Variants in CDH7 observed in about 807,000 individuals in gnomAD.
CDH7 encodes the protein cadherin-7.
CDH7 carries 25 observed loss-of-function variants against 71.8 expected under a neutral mutation model. The observed-to-expected ratio is 0.35, with a 90% confidence interval of 0.25 to 0.49. The LOEUF (loss-of-function observed/expected upper bound fraction) is 0.49, where lower values mean the gene tolerates loss of function less well. Among genes scored for constraint, CDH7 ranks in the 20% least tolerant of loss-of-function variants. The pLI, the probability that CDH7 is intolerant of heterozygous loss-of-function variation, is 0.99. For synonymous variants in CDH7, 381 were observed against 363.8 expected, an observed-to-expected ratio of 1.05 and a Z score of -0.54; for missense variants, 862 against 974.6, an observed-to-expected ratio of 0.88 and a Z score of 1.54.
intron 4 of CDH7, among the ~76,000 whole-genome samples, chr18:65,818,131 G>T (rs1169210564): frequency 3.9e-5 from 6 of 151,988 alleles, no homozygotes; most frequent in Admixed American, 3.3e-4. Flanking sequence ...ATATAATGCG[G>T]TATATTTATT....
Position 65,762,774 on chromosome 18 carries a change from A to C in CDH7, c.-69A>C, listed in dbSNP as rs1444664443. 15 of 1,373,222 alleles carry C rather than the reference A, an allele frequency of 1.1e-5. No homozygotes were observed. Among genetic ancestry groups the C allele is most frequent in the Non-Finnish European group, 1.5e-5 (15 of 999,502 alleles). The allele number at this position is 1,373,222 out of a possible 1,614,324, so 85.1% of individuals were successfully genotyped here. A position where few individuals can be genotyped will look rare whatever the true frequency, so the allele number is the denominator to read the frequency against. ...TGCCGGAGGCAAGAGCTACTAAGCC[A>C]ACTGGAACTGTGCCTTTTCTCTTGT... On this transcript the variant is annotated 5_prime_UTR_variant, in exon 2 of 12. Transcript: ENST00000397968.
rs755076428 is a variant in CDH7 at position 65,880,484 on chromosome 18, A to T, written c.1948A>T (p.Ile650Phe). The change falls in exon 12 of 12, where the codon ATT becomes TTT. Residue 650 changes from isoleucine (I) to phenylalanine (F), a missense_variant. Coordinates refer to ENST00000397968, the MANE Select transcript of CDH7 (RefSeq NM_004361.5). ...CGAAGAAAGAGACATCAGAGAAAAT[A>T]TTGTGAGATACGATGACGAGGGCGG... ...FDEERDIREN[I>F]VRYDDEGGGE... 2.1e-5 allele frequency: 33 copies of T among 1,600,782 alleles called. No individual in the cohort carries two copies. Among genetic ancestry groups the T allele is most frequent in the Non-Finnish European group, 2.8e-5 (33 of 1,176,444 alleles).
chr18:65,853,924 T>TATATATATAC (rs1913244760), intron 7 of CDH7, among the ~76,000 whole-genome samples: 1 of 84,718 alleles, frequency 1.2e-5, no homozygotes, highest in African/African-American at 4.6e-5. Context: ...TATATATATA[T>TATATATATAC]ATATATATAT....
At chr18:65,792,548 C>G (rs1306647746) in intron 2 of CDH7, among the ~76,000 whole-genome samples, 1 of 151,582 alleles carries the variant, frequency 6.6e-6, no homozygotes, top group African/African-American at 2.4e-5. Flanking sequence ...TATCTTCCTT[C>G]TAAGGTAATA....
chr18:65,862,106 T>C (rs932507767), intron 10 of CDH7, among the ~76,000 whole-genome samples: 2 of 152,060 alleles, frequency 1.3e-5, no homozygotes, highest in Non-Finnish European at 2.9e-5. Context: ...TTTATACACA[T>C]AGAGTAGCTA....
intron 6 of CDH7, among the ~76,000 whole-genome samples, chr18:65,832,302 T>C (rs56320271): frequency 4.4e-4 from 67 of 152,220 alleles, no homozygotes; most frequent in Non-Finnish European, 7.1e-4. Context: ...ATACTTGGCA[T>C]AGAATTCTTT....
In CDH7 at chr18:65,822,038, C is replaced by G. The variant is rs1054535050; in HGVS notation, c.626-43C>G. ...TCAGTATTCTTTGTTAGTATAAATG[C>G]AGTGATTCATGATGAGTTTTACTGG... On this transcript the variant is annotated intron_variant, in intron 4 of 11. Transcript: ENST00000397968. The G allele has an allele frequency of 2.1e-6, 3 of 1,460,548 alleles. No homozygotes were observed. In the African/African-American group the frequency reaches 4.2e-5, roughly 20 times the overall value. The allele number at this position is 1,460,548 out of a possible 1,614,324, so 90.5% of individuals were successfully genotyped here. A position where few individuals can be genotyped will look rare whatever the true frequency, so the allele number is the denominator to read the frequency against.
chr18:65,799,338 G>T (rs930003488), intron 2 of CDH7, among the ~76,000 whole-genome samples: 1 of 152,054 alleles, frequency 6.6e-6, no homozygotes, highest in Admixed American at 6.5e-5. Flanking sequence ...CTGTAGGAAA[G>T]AGAAGCATAC....
intron 1 of CDH7, among the ~76,000 whole-genome samples, chr18:65,762,212 C>T (rs1349238234): frequency 1.3e-5 from 2 of 152,154 alleles, no homozygotes; most frequent in Non-Finnish European, 2.9e-5. Flanking sequence ...ATGTGTCCTT[C>T]CCATTTGGTT....
rs527980287 is a variant in CDH7 at position 65,849,967 on chromosome 18, C to T, written c.1235+5902C>T. ...TCATTTTAGGCCAGGAATTCGAGACCAGCCTGGCCCATGTGGTGAAGCCCT... is the reference window on the plus strand; with the variant it reads ...TCATTTTAGGCCAGGAATTCGAGACTAGCCTGGCCCATGTGGTGAAGCCCT... On this transcript the variant is annotated intron_variant, in intron 7 of 11. Coordinates refer to ENST00000397968, the MANE Select transcript of CDH7 (RefSeq NM_004361.5). 4.0e-5 allele frequency among the ~76,000 whole-genome samples: 6 copies of T among 151,596 alleles called. No homozygotes were observed. In the South Asian group the frequency reaches 1.3e-3, roughly 32 times the overall value.
intron 6 of CDH7, among the ~76,000 whole-genome samples, chr18:65,825,362 C>A (rs1331268831): frequency 1.3e-5 from 2 of 151,854 alleles, no homozygotes; most frequent in Non-Finnish European, 3.0e-5. Context: ...ACCTATCATA[C>A]TTTCTACAGA....
rs577257233 is a variant in CDH7, at chr18:65,783,726, C to T, written c.210+20674C>T. Among the ~76,000 whole-genome samples, 12 of 152,188 alleles carry T rather than the reference C, an allele frequency of 7.9e-5. No individual in the cohort carries two copies. The East Asian group carries it at 2.3e-3, about 29-fold the overall frequency. On this transcript the variant is annotated intron_variant, in intron 2 of 11. Coordinates refer to ENST00000397968, the MANE Select transcript of CDH7 (RefSeq NM_004361.5). ...CTGACACCGTATTTTATTAGTCTAA[C>T]CTTTTTCATGAAAATCCTGACTACA...
At chr18:65,837,011 C>T (rs979996479) in intron 6 of CDH7, among the ~76,000 whole-genome samples, 5 of 152,170 alleles carry the variant, frequency 3.3e-5, no homozygotes, top group African/African-American at 4.8e-5. Flanking sequence ...CTTCTCCCCC[C>T]ATAACCCATA....
In CDH7 at chr18:65,818,237, T is replaced by C. The variant is rs116574598; in HGVS notation, c.625+3633T>C. Among the ~76,000 whole-genome samples the C allele has an allele frequency of 3.4e-3, 513 of 152,336 alleles. 3 individuals are homozygous for C. Among genetic ancestry groups the C allele is most frequent in the African/African-American group, 0.012 (487 of 41,574 alleles). ...TTTCTAATTTACTTTTAGTTAACTTTGGATGCTATAAGGTTTTGAGTTTTT... is the reference window on the plus strand; with the variant it reads ...TTTCTAATTTACTTTTAGTTAACTTCGGATGCTATAAGGTTTTGAGTTTTT... On this transcript the variant is annotated intron_variant, in intron 4 of 11. Transcript: ENST00000397968.
intron 2 of CDH7, among the ~76,000 whole-genome samples, chr18:65,798,224 T>C (rs1216941660): frequency 7.0e-6 from 1 of 143,234 alleles, no homozygotes; most frequent in Admixed American, 6.7e-5. Flanking sequence ...TTTGAGAGCA[T>C]GGAAAAATAA....
intron 6 of CDH7, among the ~76,000 whole-genome samples, chr18:65,830,901 T>G (rs1912327527): frequency 6.6e-6 from 1 of 151,938 alleles, no homozygotes; most frequent in African/African-American, 2.4e-5. Flanking sequence ...ACCTCTAAGT[T>G]ATTTTTATGT....
chr18:65,824,977 G>A (rs1427378685), intron 6 of CDH7, 146 bp downstream of exon 6: 3 of 495,854 alleles, frequency 6.1e-6, no homozygotes, highest in African/African-American at 4.0e-5. Context: ...TTAATTTTTG[G>A]TGTCAGACTC....
rs1240496707 is a variant in CDH7 at position 65,844,185 on chromosome 18, A to ATATATATATG, written c.1235+123_1235+124insATATATGTAT. ...ACAAATAAAAACCAGATATATATATATATCGAGTTATAACAGCAGAGGTAA... is the reference window on the plus strand; with the variant it reads ...ACAAATAAAAACCAGATATATATATATATATATATGTATCGAGTTATAACAGCAGAGGTAA... On this transcript the variant is annotated intron_variant, in intron 7 of 11. Coordinates refer to ENST00000397968, the MANE Select transcript of CDH7 (RefSeq NM_004361.5). 7 of 256,336 alleles carry ATATATATATG rather than the reference A, an allele frequency of 2.7e-5. 2 individuals carry two copies. In the East Asian group the frequency reaches 4.4e-4, roughly 16 times the overall value. The allele number at this position is 256,336 out of a possible 1,614,324, so 15.9% of individuals were successfully genotyped here. A position where few individuals can be genotyped will look rare whatever the true frequency, so the allele number is the denominator to read the frequency against.
intron 1 of CDH7, among the ~76,000 whole-genome samples, chr18:65,756,454 C>A (rs563015897): frequency 6.6e-6 from 1 of 152,314 alleles, no homozygotes; most frequent in Non-Finnish European, 1.5e-5. Context: ...GACTATCATT[C>A]TCCATCTAGT....
Sources: allele counts gnomAD v4.1 joint callset (sites outside exome capture counted in the v4.1 genomes callset), GRCh38; gene constraint gnomAD v4.1.1; transcripts MANE v1.5; gene names NCBI Gene and HGNC (gene_info 2026-07-23, HGNC 2026-07-21).